Variants in CNTN4 observed in about 807,000 individuals in gnomAD.
CNTN4 encodes contactin-4.
CNTN4 carries 77 observed loss-of-function variants against 122.5 expected under a neutral mutation model. The observed-to-expected ratio is 0.63, with a 90% CI of 0.52 to 0.76. CNTN4 has a LOEUF of 0.76. CNTN4 is among the 30% of genes least tolerant of loss of function. CNTN4 has a pLI of 0.00. For missense variants in CNTN4, 1,256 were observed against 1,259.1 expected, an observed-to-expected ratio of 1.00 and a Z score of 0.04; for synonymous variants, 512 against 447.0, an observed-to-expected ratio of 1.15 and a Z score of -1.83.
At chr3:2,887,803 A>G (rs1054955559) in intron 10 of CNTN4, among the ~76,000 whole-genome samples, 1 of 152,170 alleles carries the variant, frequency 6.6e-6, no homozygotes, top group Admixed American at 6.5e-5. Flanking sequence ...TGATCCAAAC[A>G]ATATAAATGT....
chr3:2,622,635 A>G (rs779391400), intron 4 of CNTN4, among the ~76,000 whole-genome samples: 2 of 152,210 alleles, frequency 1.3e-5, no homozygotes, highest in African/African-American at 4.8e-5. Flanking sequence ...GGGGGCAGTT[A>G]TGGAGAAATA....
intron 6 of CNTN4, among the ~76,000 whole-genome samples, chr3:2,788,934 G>C (rs1261763758): frequency 6.6e-6 from 1 of 152,082 alleles, no homozygotes; most frequent in African/African-American, 2.4e-5. Flanking sequence ...TCTTCTAAGA[G>C]ACACAAAAAC....
In CNTN4 at chr3:2,400,404, A is replaced by T. The variant is rs1007898295; in HGVS notation, c.-89+61171A>T. Among the ~76,000 whole-genome samples the T allele has an allele frequency of 7.1e-4, 65 of 91,420 alleles. 1 individual carries two copies. The highest frequency in any genetic ancestry group is 2.1e-3 in the African/African-American group (59 of 27,812). 60.0% of individuals were successfully genotyped at this position (91,420 alleles called of 152,430 possible). ...TGTGTGTGGTGTGTGTATGTGTGTGAATATATATATATATATATATATACA... is the reference window on the plus strand; with the variant it reads ...TGTGTGTGGTGTGTGTATGTGTGTGTATATATATATATATATATATATACA... On this transcript the variant is annotated intron_variant, in intron 3 of 24. Coordinates refer to ENST00000418658, the MANE Select transcript of CNTN4 (RefSeq NM_175607.3).
intron 3 of CNTN4, among the ~76,000 whole-genome samples, chr3:2,455,665 C>T (rs2048972552): frequency 6.6e-6 from 1 of 152,032 alleles, no homozygotes; most frequent in Non-Finnish European, 1.5e-5. Flanking sequence ...AAGTTAAATT[C>T]AGTGTTTCAA....
chr3:2,746,345 A>G (rs2089771140), intron 6 of CNTN4, among the ~76,000 whole-genome samples: 3 of 152,298 alleles, frequency 2.0e-5, no homozygotes, highest in African/African-American at 7.2e-5. Context: ...TCCAGCTTAA[A>G]ATGTTTAAAA....
At chr3:2,657,649 G>T (rs1388312363) in intron 4 of CNTN4, among the ~76,000 whole-genome samples, 1 of 152,106 alleles carries the variant, frequency 6.6e-6, no homozygotes, top group African/African-American at 2.4e-5. Flanking sequence ...CGTATGCGCA[G>T]TTTCTCAGAT....
chr3:2,665,201 C>T (rs959578425), intron 4 of CNTN4, among the ~76,000 whole-genome samples: 1 of 152,148 alleles, frequency 6.6e-6, no homozygotes, highest in African/African-American at 2.4e-5. Flanking sequence ...TTCAGATGGT[C>T]TTGCATCATT....
intron 3 of CNTN4, among the ~76,000 whole-genome samples, chr3:2,504,405 A>G (rs2076678703): frequency 6.6e-6 from 1 of 152,188 alleles, no homozygotes; most frequent in Admixed American, 6.5e-5. Flanking sequence ...TCAGAAGCCT[A>G]GTATTTCCTC....
chr3:2,334,369 G>A (rs1180854875), intron 2 of CNTN4, among the ~76,000 whole-genome samples: 1 of 152,110 alleles, frequency 6.6e-6, no homozygotes, highest in East Asian at 1.9e-4. Context: ...ATGTTGGCCA[G>A]GCTGGTCTTG....
At chr3:3,008,782 C>T (rs958565779) in intron 14 of CNTN4, among the ~76,000 whole-genome samples, 1 of 152,070 alleles carries the variant, frequency 6.6e-6, no homozygotes, top group Non-Finnish European at 1.5e-5. Flanking sequence ...CAGTTTTTAC[C>T]ATTACTTTTA....
In CNTN4 at chr3:2,276,053, C is replaced by G. The variant is rs1575238605; in HGVS notation, c.-144-63125C>G. On this transcript the variant is annotated intron_variant, in intron 2 of 24. Transcript: ENST00000418658. Reference sequence around the variant, plus strand: ...TTCAAAAATATTGCTTTTTGTATGTCTATAAACTTTTATATATTGAAAAAA... The same window carrying G: ...TTCAAAAATATTGCTTTTTGTATGTGTATAAACTTTTATATATTGAAAAAA... Among the ~76,000 whole-genome samples the G allele has an allele frequency of 2.0e-5, 3 of 151,760 alleles. No individual in the cohort carries two copies. In the South Asian group the frequency reaches 6.3e-4, roughly 32 times the overall value.
At chr3:2,138,654 C>A (rs1205810522) in intron 2 of CNTN4, among the ~76,000 whole-genome samples, 1 of 152,152 alleles carries the variant, frequency 6.6e-6, no homozygotes, top group African/African-American at 2.4e-5. Context: ...TCTCTTCCTG[C>A]CTGCTGGTTG....
chr3:2,911,416 G>C (rs1313871660), intron 12 of CNTN4, among the ~76,000 whole-genome samples: 1 of 152,182 alleles, frequency 6.6e-6, no homozygotes, highest in African/African-American at 2.4e-5. Context: ...GAAAAGGCTT[G>C]AGAGATTTGC....
chr3:2,366,045 C>T (rs2045363100), intron 3 of CNTN4, among the ~76,000 whole-genome samples: 1 of 152,230 alleles, frequency 6.6e-6, no homozygotes, highest in African/African-American at 2.4e-5. Context: ...AATATTTTAT[C>T]CATACCCAAC....
chr3:2,618,018 C>T (rs910426737), intron 4 of CNTN4, among the ~76,000 whole-genome samples: 23 of 152,268 alleles, frequency 1.5e-4, no homozygotes, highest in African/African-American at 5.5e-4. Flanking sequence ...GCAGCCATCA[C>T]TTTCTATGTG....
chr3:3,029,244 C>G (rs1247315938), intron 15 of CNTN4, among the ~76,000 whole-genome samples: 1 of 152,140 alleles, frequency 6.6e-6, no homozygotes, highest in African/African-American at 2.4e-5. Flanking sequence ...TTGGACATGT[C>G]TGTTTCACAA....
chr3:2,848,126 C>A (rs1374416641), intron 7 of CNTN4, among the ~76,000 whole-genome samples: 1 of 152,118 alleles, frequency 6.6e-6, no homozygotes. Context: ...TGGCATACAC[C>A]TGTAGTCCCC....
At chr3:2,120,408 T>TATATATATATATA (rs1559261218) in intron 2 of CNTN4, among the ~76,000 whole-genome samples, 2 of 53,348 alleles carry the variant, frequency 3.7e-5, no homozygotes, top group African/African-American at 1.2e-4. Context: ...TATATATATT[T>TATATATATATATA]TTTTTTTTTT....
chr3:2,613,308 C>T (rs2081577561), intron 4 of CNTN4, among the ~76,000 whole-genome samples: 1 of 152,028 alleles, frequency 6.6e-6, no homozygotes, highest in Non-Finnish European at 1.5e-5. Flanking sequence ...ATCACATAGC[C>T]AAACCAATTC....
Sources: gnomAD v4.1 joint callset for allele counts (sites outside exome capture counted in the v4.1 genomes callset) on GRCh38, gnomAD v4.1.1 for gene constraint, MANE v1.5 for transcripts, NCBI Gene and HGNC (gene_info 2026-07-23, HGNC 2026-07-21) for gene names.